MBOAT2: variants seen among roughly 807,000 people sequenced by gnomAD.
MBOAT2 encodes membrane bound glycerophospholipid O-acyltransferase 2.
A neutral mutation model predicts 63.4 loss-of-function variants in MBOAT2; 28 were observed. That is an observed-to-expected ratio of 0.44 (90% CI 0.33 to 0.61). MBOAT2 has a LOEUF of 0.61. Ranked by LOEUF, MBOAT2 falls within the 20% of genes least tolerant of loss-of-function variation. The pLI, the probability that MBOAT2 is intolerant of heterozygous loss-of-function variation, is 0.03. For missense variants in MBOAT2, 470 were observed against 605.8 expected, an observed-to-expected ratio of 0.78 and a Z score of 2.35; for synonymous variants, 211 against 215.6, an observed-to-expected ratio of 0.98 and a Z score of 0.19.
At chr2:8,933,872 A>G (rs1294506453) in intron 3 of MBOAT2, among the ~76,000 whole-genome samples, 1 of 152,174 alleles carries the variant, frequency 6.6e-6, no homozygotes, top group East Asian at 1.9e-4. Context: ...CCCTCGATCC[A>G]AGAAAAAAAA....
At chr2:8,891,030 A>G (rs1663954352) in intron 4 of MBOAT2, among the ~76,000 whole-genome samples, 1 of 152,242 alleles carries the variant, frequency 6.6e-6, no homozygotes, top group South Asian at 2.1e-4. Flanking sequence ...AGCTTTAATT[A>G]TTTCTGTGCC....
At chr2:8,891,996 C>A (rs910629823) in intron 4 of MBOAT2, among the ~76,000 whole-genome samples, 1 of 152,180 alleles carries the variant, frequency 6.6e-6, no homozygotes, top group Non-Finnish European at 1.5e-5. Flanking sequence ...TCCAGACTTT[C>A]TGAAATAAAA....
chr2:8,954,379 C>G (rs1669058629), intron 2 of MBOAT2, among the ~76,000 whole-genome samples: 1 of 152,148 alleles, frequency 6.6e-6, no homozygotes, highest in African/African-American at 2.4e-5. Context: ...GTGGTCTGAG[C>G]TCCCTGCTCA....
Position 8,862,716 on chromosome 2 carries a change from A to G in MBOAT2, c.1059T>C (p.Cys353=). ...TTGGACTGAAGGAGGTTCGTTCATA[A>G]CACACCCTAGAAACCATGAAAAACA... ...IQTALWLKRV[C]YERTSFSPTI... Residue 353 remains cysteine (C), a synonymous_variant, in exon 11 of 13, where the codon TGT becomes TGC. Transcript: ENST00000305997. The surrounding 1 kb of genome is among the most constrained non-coding windows in gnomAD (Gnocchi z 4.3). 6.2e-7 allele frequency: 1 copy of G among 1,613,002 alleles called. No homozygotes were observed. Among genetic ancestry groups the G allele is most frequent in the Non-Finnish European group, 8.5e-7 (1 of 1,179,584 alleles).
chr2:8,999,538 G>C (rs1247098056), intron 1 of MBOAT2, among the ~76,000 whole-genome samples: 1 of 152,110 alleles, frequency 6.6e-6, no homozygotes, highest in African/African-American at 2.4e-5. Context: ...TTTCATTTTG[G>C]TGCTCGCTTT....
At chr2:8,892,128 G>T (rs1009010621) in intron 4 of MBOAT2, among the ~76,000 whole-genome samples, 69 of 152,314 alleles carry the variant, frequency 4.5e-4, no homozygotes, top group Non-Finnish European at 1.3e-4. Context: ...ACAAGATAAT[G>T]AATGCTAAAA....
intron 2 of MBOAT2, among the ~76,000 whole-genome samples, chr2:8,951,713 T>C (rs766048233): frequency 6.6e-6 from 1 of 152,246 alleles, no homozygotes; most frequent in African/African-American, 2.4e-5. Flanking sequence ...CTAGTTTGTG[T>C]GCACAGAGAT....
intron 1 of MBOAT2, among the ~76,000 whole-genome samples, chr2:9,001,938 TC>T (rs1672718901): frequency 6.6e-6 from 1 of 152,060 alleles, no homozygotes; most frequent in Non-Finnish European, 1.5e-5. Context: ...TAAACCTATC[TC>T]CCTTGCTCCT....
chr2:8,967,425 C>T (rs1670072696), intron 1 of MBOAT2, among the ~76,000 whole-genome samples: 1 of 152,176 alleles, frequency 6.6e-6, no homozygotes, highest in African/African-American at 2.4e-5. Context: ...AGCAGATACC[C>T]TGCTCAAAGA....
At chr2:8,917,212 G>A (rs1666246364) in intron 3 of MBOAT2, among the ~76,000 whole-genome samples, 1 of 152,048 alleles carries the variant, frequency 6.6e-6, no homozygotes, top group African/African-American at 2.4e-5. Context: ...GCAGGCACAG[G>A]TTTCTTAGTA....
intron 4 of MBOAT2, among the ~76,000 whole-genome samples, chr2:8,894,866 C>A (rs576359213): frequency 1.3e-5 from 2 of 151,430 alleles, no homozygotes; most frequent in East Asian, 3.9e-4. Flanking sequence ...AAAGGCGGCA[C>A]GTCTGGAGTT....
Position 8,978,686 on chromosome 2 carries a change from A to C in MBOAT2, c.76-20044T>G, listed in dbSNP as rs114196478. On this transcript the variant is annotated intron_variant, in intron 1 of 12. Coordinates refer to ENST00000305997, the MANE Select transcript of MBOAT2 (RefSeq NM_138799.4). Reference sequence around the variant, plus strand: ...CAGGGGGTGGGGAGTGAGCGGAGAGAGAGCATTAGGACAAATAGCTAATGC... The same window carrying C: ...CAGGGGGTGGGGAGTGAGCGGAGAGCGAGCATTAGGACAAATAGCTAATGC... Among the ~76,000 whole-genome samples the C allele has an allele frequency of 3.3e-5, 5 of 152,164 alleles. No homozygotes were observed. The East Asian group carries it at 9.6e-4, about 29-fold the overall frequency.
At chr2:8,941,472 G>A (rs896687269) in intron 3 of MBOAT2, among the ~76,000 whole-genome samples, 1 of 152,034 alleles carries the variant, frequency 6.6e-6, no homozygotes, top group Non-Finnish European at 1.5e-5. Flanking sequence ...GTCCAATGTA[G>A]CCACTAGCCA....
In MBOAT2 at chr2:8,856,837, G is replaced by T. The variant is rs971689976; in HGVS notation, c.*1842C>A. The T allele has an allele frequency of 6.6e-6, 1 of 152,196 alleles. No homozygotes were observed. Among genetic ancestry groups the T allele is most frequent in the Non-Finnish European group, 1.5e-5 (1 of 68,046 alleles). The allele number at this position is 152,196 out of a possible 1,614,324, so 9.4% of individuals were successfully genotyped here. Reference sequence around the variant, plus strand: ...CCCAAAGTGCTAGGATTACAGGTGTGAGCCACCATGCTCAGCCAACATAAT... The same window carrying T: ...CCCAAAGTGCTAGGATTACAGGTGTTAGCCACCATGCTCAGCCAACATAAT... On this transcript the variant is annotated 3_prime_UTR_variant, in exon 13 of 13. Transcript: ENST00000305997. The surrounding 1 kb of genome is among the most constrained non-coding windows in gnomAD (Gnocchi z 4.2).
chr2:8,914,930 A>ATTTC (rs1666040140), intron 3 of MBOAT2, among the ~76,000 whole-genome samples: 10 of 118,328 alleles, frequency 8.5e-5, no homozygotes, highest in African/African-American at 1.6e-4. Flanking sequence ...ACTACTGGAA[A>ATTTC]TTTCTTTTTT....
At chr2:8,995,415 C>T (rs1459668414) in intron 1 of MBOAT2, among the ~76,000 whole-genome samples, 1 of 152,168 alleles carries the variant, frequency 6.6e-6, no homozygotes, top group Non-Finnish European at 1.5e-5. Flanking sequence ...GAGATGTGTA[C>T]ACCATCCAAC....
At chr2:8,882,982 T>C (rs1356735302) in intron 5 of MBOAT2, among the ~76,000 whole-genome samples, 4 of 152,176 alleles carry the variant, frequency 2.6e-5, no homozygotes, top group Non-Finnish European at 5.9e-5. Flanking sequence ...TACTCCTCCA[T>C]GACTCCAATG....
chr2:8,917,757 G>T (rs1400963831), intron 3 of MBOAT2, among the ~76,000 whole-genome samples: 3 of 152,120 alleles, frequency 2.0e-5, no homozygotes, highest in Non-Finnish European at 2.9e-5. Flanking sequence ...ATGAAAATAT[G>T]TATCAACAAA....
At chr2:8,931,566 C>A (rs1232943317) in intron 3 of MBOAT2, among the ~76,000 whole-genome samples, 1 of 152,134 alleles carries the variant, frequency 6.6e-6, no homozygotes, top group Non-Finnish European at 1.5e-5. Context: ...GTTTCTTTTG[C>A]TGTGCAGAAG....
Sources: gnomAD v4.1 joint callset for allele counts (sites outside exome capture counted in the v4.1 genomes callset) on GRCh38, gnomAD v4.1.1 for gene constraint, Gnocchi (gnomAD v3.1) non-coding constraint, MANE v1.5 for transcripts, NCBI Gene and HGNC (gene_info 2026-07-23, HGNC 2026-07-21) for gene names.